SNIP1: variants seen among roughly 807,000 people sequenced by gnomAD.
The protein encoded by SNIP1 is smad nuclear-interacting protein 1.
In SNIP1, 23 loss-of-function variants were observed where a neutral mutation model predicts 37.4. That is an observed-to-expected ratio of 0.61 (90% CI 0.44 to 0.87). The LOEUF (loss-of-function observed/expected upper bound fraction) is 0.87, where lower values mean the gene tolerates loss of function less well. Among genes scored for constraint, SNIP1 ranks in the 40% least tolerant of loss-of-function variants. The pLI is 0.00. For missense variants in SNIP1, 459 were observed against 540.4 expected, an observed-to-expected ratio of 0.85 and a Z score of 1.49; for synonymous variants, 174 against 200.0, an observed-to-expected ratio of 0.87 and a Z score of 1.10.
rs1557630304 is a variant in SNIP1, at chr1:37,554,269, A to G, written c.-40T>C. 9.1e-6 allele frequency: 14 copies of G among 1,532,450 alleles called. No homozygotes were observed. Among genetic ancestry groups the G allele is most frequent in the East Asian group, 2.3e-5 (1 of 43,944 alleles). 94.9% of individuals were successfully genotyped at this position (1,532,450 alleles called of 1,614,324 possible). A position where few individuals can be genotyped will look rare whatever the true frequency, so the allele number is the denominator to read the frequency against. ...TGGGCGAAAGAAAACAGATCAGTTG[A>G]GCTCCTCTAGCTGGAGGAAATGACG... On this transcript the variant is annotated 5_prime_UTR_variant, in exon 1 of 4. Transcript: ENST00000296215.
chr1:37,537,807 C>T lies in SNIP1; in HGVS notation c.1132G>A (p.Glu378Lys), dbSNP rs1473687359. The change falls in exon 4 of 4, where the codon GAA becomes AAA. Residue 378 changes from glutamate (E) to lysine (K), a missense_variant. Physicochemically the swap from Glu to Lys is moderately conservative, Grantham distance 56. Transcript: ENST00000296215. ...TCCTCGTCATCTTTCCTGTCTATTT[C>T]AGAAGTGTCCGACGACTCATGGAGC... ...VLLHESSDTS[E>K]IDRKDDEDEE... The T allele has an allele frequency of 6.2e-7, 1 of 1,614,214 alleles. No individual in the cohort carries two copies. Among genetic ancestry groups the T allele is most frequent in the Non-Finnish European group, 8.5e-7 (1 of 1,180,030 alleles).
At chr1:37,544,767 C>T (rs375062970) in intron 2 of SNIP1, 49 of 707,714 alleles carry the variant, frequency 6.9e-5, no homozygotes, top group Admixed American at 2.6e-4. Flanking sequence ...ACCACCATGA[C>T]GACTGCGCGT....
Position 37,537,801 on chromosome 1 carries a change from C to T in SNIP1, c.1138G>A (p.Asp380Asn). 6.2e-7 allele frequency: 1 copy of T among 1,614,216 alleles called. No individual in the cohort carries two copies. The change falls in exon 4 of 4, where the codon GAC becomes AAC. Residue 380 changes from aspartate to asparagine, a missense_variant. By Grantham distance (23) the Asp-to-Asn change is conservative. Coordinates refer to ENST00000296215, the MANE Select transcript of SNIP1 (RefSeq NM_024700.4). Reference protein sequence around the residue: ...LHESSDTSEIDRKDDEDEEEE... With the variant: ...LHESSDTSEINRKDDEDEEEE... ...TCCTCATCCTCGTCATCTTTCCTGT[C>T]TATTTCAGAAGTGTCCGACGACTCA...
At chr1:37,546,859 TTTCAC>T (rs1215595273) in intron 2 of SNIP1, among the ~76,000 whole-genome samples, 17 of 152,276 alleles carry the variant, frequency 1.1e-4, no homozygotes, top group Middle Eastern at 3.4e-3. Context: ...TCAGTCTTCA[TTTCAC>T]TTAACTATCA....
chr1:37,540,455 C>G lies in SNIP1; in HGVS notation c.628G>C (p.Gly210Arg). The G allele has an allele frequency of 6.2e-7, 1 of 1,614,066 alleles. No homozygotes were observed. Among genetic ancestry groups the G allele is most frequent in the Non-Finnish European group, 8.5e-7 (1 of 1,180,010 alleles). ...SESQELVPRPGGNNKEKEVPA... is the reference protein window; with the variant it reads ...SESQELVPRPRGNNKEKEVPA... ...ACCTCTTTTTCTTTGTTGTTGCCAC[C>G]AGGCCGAGGAACCAACTCCTGAGAC... is the stretch of plus-strand genomic sequence containing the variant. The change falls in exon 3 of 4, where the codon GGT becomes CGT. Residue 210 changes from glycine to arginine, a missense_variant. Coordinates refer to ENST00000296215, the MANE Select transcript of SNIP1 (RefSeq NM_024700.4). The surrounding 1 kb of genome is among the most constrained non-coding windows in gnomAD (Gnocchi z 5.6).
Position 37,535,210 on chromosome 1 carries a change from A to AAAAAAAT in SNIP1, c.*2531_*2537dup, listed in dbSNP as rs1643073127. ...TATGGTGAAACCCCATCTCTACTAA[A>AAAAAAAT]AAAAAATAAAAAATAAAAATTATAT... On this transcript the variant is annotated 3_prime_UTR_variant, in exon 4 of 4. Coordinates refer to ENST00000296215, the MANE Select transcript of SNIP1 (RefSeq NM_024700.4). 1 of 123,112 alleles carries AAAAAAAT rather than the reference A, an allele frequency of 8.1e-6. No homozygotes were observed. The highest frequency in any genetic ancestry group is 1.7e-5 in the Non-Finnish European group (1 of 59,660). 7.6% of individuals were successfully genotyped at this position (123,112 alleles called of 1,614,324 possible).
chr1:37,544,831 G>C, intron 2 of SNIP1: 1 of 772,048 alleles, frequency 1.3e-6, no homozygotes, highest in Non-Finnish European at 2.3e-6. Flanking sequence ...TCAACGTGGA[G>C]CTCTATGCCT....
At chr1:37,551,428 A>G (rs1237900931) in intron 2 of SNIP1, among the ~76,000 whole-genome samples, 1 of 152,258 alleles carries the variant, frequency 6.6e-6, no homozygotes, top group Non-Finnish European at 1.5e-5. Context: ...AAAATGATAC[A>G]GCCACTATTA....
Position 37,554,158 on chromosome 1 carries a change from C to G in SNIP1, c.72G>C (p.Pro24=), listed in dbSNP as rs1557630219. 2 of 1,612,842 alleles carry G rather than the reference C, an allele frequency of 1.2e-6. No individual in the cohort carries two copies. The highest frequency in any genetic ancestry group is 2.2e-5 in the East Asian group (1 of 44,860). The part of the protein sequence containing the change: ...RRHRDGDVVL[P]AGVVVKQERL... ...GCTCCTGCTTCACCACCACCCCCGC[C>G]GGCAGCACCACGTCCCCGTCCCGGT... Residue 24 remains proline (P), a synonymous_variant, in exon 1 of 4, where the codon CCG becomes CCC. Transcript: ENST00000296215.
At chr1:37,546,145 A>ACCCCG (rs1643233385) in intron 2 of SNIP1, among the ~76,000 whole-genome samples, 1 of 124,924 alleles carries the variant, frequency 8.0e-6, no homozygotes, top group Non-Finnish European at 1.7e-5. Flanking sequence ...TGGGACTAAG[A>ACCCCG]CCCCCCCCCC....
At chr1:37,539,346 A>G (rs1447099361) in intron 3 of SNIP1, among the ~76,000 whole-genome samples, 2 of 152,178 alleles carry the variant, frequency 1.3e-5, no homozygotes, top group African/African-American at 4.8e-5. Flanking sequence ...GCTGGGCTTC[A>G]GTCTTCTCAT....
chr1:37,535,020 T>C lies in SNIP1; in HGVS notation c.*2728A>G, dbSNP rs1206923449. 1 of 150,300 alleles carries C rather than the reference T, an allele frequency of 6.7e-6. No individual in the cohort carries two copies. The highest frequency in any genetic ancestry group is 1.5e-5 in the Non-Finnish European group (1 of 67,742). 9.3% of individuals were successfully genotyped at this position (150,300 alleles called of 1,614,324 possible). On this transcript the variant is annotated 3_prime_UTR_variant, in exon 4 of 4. Transcript: ENST00000296215. ...CTGGCTTTAGAGGCAGGTAATGTCT[T>C]TTGACACCCTTTCTTCAAAGAAAGG...
intron 2 of SNIP1, among the ~76,000 whole-genome samples, chr1:37,545,847 C>T (rs1643229928): frequency 1.3e-5 from 2 of 152,016 alleles, no homozygotes; most frequent in Non-Finnish European, 2.9e-5. Flanking sequence ...ATTTAGGTGA[C>T]TCCACACCCA....
At position 37,540,278 on chromosome 1, in the gene SNIP1, C is replaced by T. The variant is rs1369599238; in HGVS notation, c.805G>A (p.Val269Met). ...CGATGTATGTACATGACTGGAAGCA[C>T]CTCATCATTTTTAAATGGGTAGAGA... is the stretch of plus-strand genomic sequence containing the variant. ...WRLYPFKNDE[V>M]LPVMYIHRQS... Residue 269 changes from valine to methionine, a missense_variant, in exon 3 of 4, where the codon GTG becomes ATG. Physicochemically the swap from Val to Met is conservative, Grantham distance 21. Coordinates refer to ENST00000296215, the MANE Select transcript of SNIP1 (RefSeq NM_024700.4). The surrounding 1 kb of genome is among the most constrained non-coding windows in gnomAD (Gnocchi z 5.6). 6.2e-7 allele frequency: 1 copy of T among 1,614,072 alleles called. No individual in the cohort carries two copies. Among genetic ancestry groups the T allele is most frequent in the African/African-American group, 1.3e-5 (1 of 75,006 alleles).
chr1:37,552,961 T>G (rs1395597435), intron 1 of SNIP1, among the ~76,000 whole-genome samples: 2 of 152,206 alleles, frequency 1.3e-5, no homozygotes, highest in African/African-American at 4.8e-5. Flanking sequence ...ACCTTCTCAC[T>G]TAGGTAACAT....
intron 1 of SNIP1, 124 bp downstream of exon 1, chr1:37,553,882 A>G (rs1375352240): frequency 1.1e-6 from 1 of 948,032 alleles, no homozygotes; most frequent in Non-Finnish European, 1.6e-6. Flanking sequence ...CACTCTCAAC[A>G]GCCCCTCAGG....
In SNIP1 at chr1:37,535,243, T is replaced by TATATATATATATATATATATATA. The variant is rs1264980418; in HGVS notation, c.*2504_*2505insTATATATATATATATATATATAT. 37 of 134,468 alleles carry TATATATATATATATATATATATA rather than the reference T, an allele frequency of 2.8e-4. No individual in the cohort carries two copies. Among genetic ancestry groups the TATATATATATATATATATATATA allele is most frequent in the African/African-American group, 5.1e-4 (17 of 33,140 alleles). 8.3% of individuals were successfully genotyped at this position (134,468 alleles called of 1,614,324 possible). ...AAAAAATAAAAATTATATATATAAATTAGCCAGGCTTGGTGACAGGTGCCT... is the reference window on the plus strand; with the variant it reads ...AAAAAATAAAAATTATATATATAAATATATATATATATATATATATATATAGCCAGGCTTGGTGACAGGTGCCT... On this transcript the variant is annotated 3_prime_UTR_variant, in exon 4 of 4. Coordinates refer to ENST00000296215, the MANE Select transcript of SNIP1 (RefSeq NM_024700.4).
Position 37,554,154 on chromosome 1 carries a change from C to A in SNIP1, c.76G>T (p.Gly26Trp), listed in dbSNP as rs781583580. The change falls in exon 1 of 4, where the codon GGG (glycine) becomes TGG (tryptophan). Residue 26 changes from glycine (G) to tryptophan (W), a missense_variant. Coordinates refer to ENST00000296215, the MANE Select transcript of SNIP1 (RefSeq NM_024700.4). ...HRDGDVVLPAGVVVKQERLSP... is the reference protein window; with the variant it reads ...HRDGDVVLPAWVVVKQERLSP... The stretch of plus-strand genomic sequence containing the variant: ...AGACGCTCCTGCTTCACCACCACCC[C>A]CGCCGGCAGCACCACGTCCCCGTCC... The A allele has an allele frequency of 9.9e-6, 16 of 1,612,710 alleles. No individual in the cohort carries two copies. The highest frequency in any genetic ancestry group is 1.4e-5 in the Non-Finnish European group (16 of 1,179,392).
At chr1:37,550,814 G>C (rs1257688428) in intron 2 of SNIP1, among the ~76,000 whole-genome samples, 3 of 151,996 alleles carry the variant, frequency 2.0e-5, no homozygotes, top group Non-Finnish European at 2.9e-5. Flanking sequence ...AGACGTCCAA[G>C]GCCAGGTGCA....
Sources: allele counts gnomAD v4.1 joint callset (sites outside exome capture counted in the v4.1 genomes callset), GRCh38; gene constraint gnomAD v4.1.1; non-coding constraint Gnocchi (gnomAD v3.1); transcripts MANE v1.5; gene names NCBI Gene and HGNC (gene_info 2026-07-23, HGNC 2026-07-21).